Variants in RBFOX1 observed in about 807,000 individuals in gnomAD.
RBFOX1 encodes RNA binding protein fox-1 homolog 1.
In RBFOX1, 8 loss-of-function variants were observed where a neutral mutation model predicts 57.7. The observed-to-expected ratio is 0.14, with a 90% CI of 0.08 to 0.25. The LOEUF (loss-of-function observed/expected upper bound fraction) is 0.25. Ranked by LOEUF, RBFOX1 falls within the 10% of genes least tolerant of loss-of-function variation. The probability of loss-of-function intolerance (pLI) is 1.00; values close to 1 mark genes in which losing one functional copy is unlikely to be tolerated. For missense variants in RBFOX1, 611 were observed against 548.5 expected, an observed-to-expected ratio of 1.11 and a Z score of -1.14; for synonymous variants, 326 against 222.4, an observed-to-expected ratio of 1.47 and a Z score of -4.15.
chr16:6,985,342 A>G (rs1475552670), intron 3 of RBFOX1, among the ~76,000 whole-genome samples: 3 of 152,176 alleles, frequency 2.0e-5, no homozygotes, highest in Non-Finnish European at 4.4e-5. Context: ...CTTATGCTGC[A>G]CACACATACA....
intron 4 of RBFOX1, among the ~76,000 whole-genome samples, chr16:7,467,181 C>G (rs551718668): frequency 1.4e-3 from 218 of 152,284 alleles, no homozygotes; most frequent in African/African-American, 5.1e-3. Flanking sequence ...CTTTGCATCC[C>G]TATGTGCTAA....
rs7200741 is a variant in RBFOX1, at chr16:6,892,133, C to A, written c.-15-159924C>A. ...ACTCTTACCCAAGTCCCCAAACCCC[C>A]TGGTTGGTGATTGCAGACCCTCTTT... On this transcript the variant is annotated intron_variant, in intron 3 of 15. Transcript: ENST00000550418. Among the ~76,000 whole-genome samples the A allele has an allele frequency of 6.7e-3, 1,015 of 152,258 alleles. 12 individuals are homozygous for A. The highest frequency in any genetic ancestry group is 0.023 in the African/African-American group (958 of 41,542).
chr16:6,035,667 G>C (rs546239582), intron 1 of RBFOX1, among the ~76,000 whole-genome samples: 52 of 152,290 alleles, frequency 3.4e-4, no homozygotes, highest in Non-Finnish European at 5.3e-4. Context: ...GGCAGACATT[G>C]ATAATCAATT....
At chr16:7,594,967 A>T (rs1000851408) in intron 7 of RBFOX1, among the ~76,000 whole-genome samples, 1 of 152,180 alleles carries the variant, frequency 6.6e-6, no homozygotes, top group Admixed American at 6.5e-5. Context: ...ATTATAAAAA[A>T]GGTCTTTCCT....
chr16:5,595,623 C>T (rs1417107010), intron 2 of RBFOX1, among the ~76,000 whole-genome samples: 1 of 152,150 alleles, frequency 6.6e-6, no homozygotes, highest in Non-Finnish European at 1.5e-5. Flanking sequence ...GATATGGAGG[C>T]TTATTGTAAG....
chr16:7,523,858 A>G (rs2078065365), intron 5 of RBFOX1, among the ~76,000 whole-genome samples: 1 of 152,198 alleles, frequency 6.6e-6, no homozygotes, highest in Non-Finnish European at 1.5e-5. Flanking sequence ...GTCTATGACA[A>G]GTTTACTTCA....
At chr16:7,187,661 C>T (rs1302517326) in intron 4 of RBFOX1, among the ~76,000 whole-genome samples, 1 of 128,562 alleles carries the variant, frequency 7.8e-6, no homozygotes, top group African/African-American at 3.1e-5. Context: ...TGCAGTCCAG[C>T]CTGGGCAACA....
chr16:7,444,574 C>A (rs1337976178), intron 4 of RBFOX1, among the ~76,000 whole-genome samples: 1 of 151,996 alleles, frequency 6.6e-6, no homozygotes, highest in African/African-American at 2.4e-5. Flanking sequence ...GCTGTGTCTC[C>A]CAAGCTAGAC....
intron 1 of RBFOX1, among the ~76,000 whole-genome samples, chr16:5,462,688 C>G (rs1343064039): frequency 6.6e-6 from 1 of 152,174 alleles, no homozygotes; most frequent in Non-Finnish European, 1.5e-5. Context: ...GCATGGAATT[C>G]TACGCACCTG....
chr16:6,978,168 G>T (rs1380492115), intron 3 of RBFOX1, among the ~76,000 whole-genome samples: 1 of 152,110 alleles, frequency 6.6e-6, no homozygotes, highest in African/African-American at 2.4e-5. Flanking sequence ...GCATACGGCA[G>T]TGGAGGTAAT....
chr16:5,790,223 G>T (rs916333508), intron 3 of RBFOX1, among the ~76,000 whole-genome samples: 1 of 152,254 alleles, frequency 6.6e-6, no homozygotes, highest in Non-Finnish European at 1.5e-5. Flanking sequence ...ATCCACCAAA[G>T]GTCAGTTCCA....
chr16:7,502,142 C>G (rs181452872), intron 4 of RBFOX1, among the ~76,000 whole-genome samples: 1 of 152,004 alleles, frequency 6.6e-6, no homozygotes, highest in East Asian at 1.9e-4. Flanking sequence ...ACTTATGCAA[C>G]ACACAATGAA....
At chr16:7,136,277 G>A (rs2071928105) in intron 4 of RBFOX1, among the ~76,000 whole-genome samples, 1 of 152,122 alleles carries the variant, frequency 6.6e-6, no homozygotes, top group Non-Finnish European at 1.5e-5. Flanking sequence ...AAAGTTTAAT[G>A]AAATCAACAG....
chr16:6,223,324 A>G (rs2097390658), intron 1 of RBFOX1, among the ~76,000 whole-genome samples: 1 of 150,376 alleles, frequency 6.6e-6, no homozygotes, highest in Non-Finnish European at 1.5e-5. Context: ...ACAACAGTGT[A>G]AAAGTGTTCC....
At chr16:7,033,597 A>G (rs74358197) in intron 3 of RBFOX1, among the ~76,000 whole-genome samples, 2,134 of 152,310 alleles carry the variant, frequency 0.014, 66 homozygotes, top group East Asian at 0.097. Flanking sequence ...TGCTTAGGAT[A>G]ACTTTAAAGA....
Position 5,795,022 on chromosome 16 carries a change from T to C in RBFOX1, c.319-72281T>C, listed in dbSNP as rs140836804. 2.0e-4 allele frequency among the ~76,000 whole-genome samples: 31 copies of C among 152,308 alleles called. 1 individual carries two copies. Among genetic ancestry groups the C allele is most frequent in the African/African-American group, 6.5e-4 (27 of 41,582 alleles). ...CATGCCTTGGCTCAAAATCTAACTTTTCTTCTCCCCAGTTGTATGACTTTG... is the reference window on the plus strand; with the variant it reads ...CATGCCTTGGCTCAAAATCTAACTTCTCTTCTCCCCAGTTGTATGACTTTG... On this transcript the variant is annotated intron_variant, in intron 3 of 19. Transcript: ENST00000641259.
At chr16:6,732,473 C>T (rs542577150) in intron 3 of RBFOX1, among the ~76,000 whole-genome samples, 18 of 152,174 alleles carry the variant, frequency 1.2e-4, no homozygotes, top group Non-Finnish European at 2.4e-4. Flanking sequence ...TCACCTGATT[C>T]ATTGAGTATC....
At chr16:6,916,665 A>C (rs1597144232) in intron 3 of RBFOX1, among the ~76,000 whole-genome samples, 1 of 152,008 alleles carries the variant, frequency 6.6e-6, no homozygotes, top group Admixed American at 6.6e-5. Flanking sequence ...CGACCTTCCC[A>C]GGTCGTCCTT....
chr16:7,106,787 C>T (rs530993966), intron 4 of RBFOX1, among the ~76,000 whole-genome samples: 2 of 151,808 alleles, frequency 1.3e-5, no homozygotes, highest in South Asian at 4.2e-4. Context: ...AGTGACGTGA[C>T]CAGATGCCCT....
Sources: gnomAD v4.1 joint callset for allele counts (sites outside exome capture counted in the v4.1 genomes callset) on GRCh38, gnomAD v4.1.1 for gene constraint, MANE v1.5 for transcripts, NCBI Gene and HGNC (gene_info 2026-07-23, HGNC 2026-07-21) for gene names.